C10orf53: variants seen among roughly 807,000 people sequenced by gnomAD.
C10orf53 encodes UPF0728 protein C10orf53.
C10orf53 carries 8 observed loss-of-function variants against 9.4 expected under a neutral mutation model. The ratio of observed to expected loss-of-function variants is 0.85; its 90% confidence interval spans 0.50 to 1.53. The LOEUF is 1.53. C10orf53 is among the 40% of genes most tolerant of loss of function. C10orf53 has a pLI of 0.00. For synonymous variants in C10orf53, 48 were observed against 46.0 expected, an observed-to-expected ratio of 1.04 and a Z score of -0.18; for missense variants, 117 against 117.8, an observed-to-expected ratio of 0.99 and a Z score of 0.03.
rs1324817325 is a variant in C10orf53 at position 49,697,203 on chromosome 10, A to G, written c.*2601A>G. Among the ~76,000 whole-genome samples the G allele has an allele frequency of 1.3e-5, 2 of 152,050 alleles. No individual in the cohort carries two copies. Among genetic ancestry groups the G allele is most frequent in the Non-Finnish European group, 2.9e-5 (2 of 68,034 alleles). The stretch of plus-strand genomic sequence containing the variant: ...GTGAGACCCTGTCTCAGAAAATAAA[A>G]TAAAGATTTTGACATAGAAGCCACC... On this transcript the variant is annotated 3_prime_UTR_variant, in exon 3 of 3. Transcript: ENST00000374111.
intron 1 of C10orf53, among the ~76,000 whole-genome samples, chr10:49,691,734 G>T (rs1331667785): frequency 6.6e-6 from 1 of 152,210 alleles, no homozygotes; most frequent in Admixed American, 6.5e-5. Flanking sequence ...GCCACGTGAG[G>T]CTCAGTCAGC....
At chr10:49,691,498 G>A (rs969823589) in intron 1 of C10orf53, among the ~76,000 whole-genome samples, 14 of 152,248 alleles carry the variant, frequency 9.2e-5, no homozygotes, top group African/African-American at 3.1e-4. Context: ...CCCTTTAAGA[G>A]CACGAGAGCC....
At chr10:49,686,802 G>T (rs1053608316) in intron 1 of C10orf53, among the ~76,000 whole-genome samples, 2 of 152,192 alleles carry the variant, frequency 1.3e-5, no homozygotes, top group African/African-American at 4.8e-5. Context: ...TGAGTGCACA[G>T]CGGGACATAG....
At chr10:49,682,154 A>G (rs923269027) in intron 1 of C10orf53, among the ~76,000 whole-genome samples, 15 of 152,238 alleles carry the variant, frequency 9.9e-5, no homozygotes, top group African/African-American at 3.6e-4. Flanking sequence ...ATTCAGTGAC[A>G]TTAATTATCT....
chr10:49,693,427 T>C (rs1210968404), intron 1 of C10orf53, among the ~76,000 whole-genome samples: 2 of 152,182 alleles, frequency 1.3e-5, no homozygotes, highest in African/African-American at 4.8e-5. Context: ...GAGTAAGAAG[T>C]TGCCTATTCC....
rs1329289902 is a variant in C10orf53 at position 49,696,449 on chromosome 10, AT to A, written c.*1849del. On this transcript the variant is annotated 3_prime_UTR_variant, in exon 3 of 3. Coordinates refer to ENST00000374111, the MANE Select transcript of C10orf53 (RefSeq NM_001042427.3). ...TCTCCTCTAGCCCTGCAACCCCGGCATTAAACTGGTAACAAGTGCTTCCCTC... is the reference window on the plus strand; with the variant it reads ...TCTCCTCTAGCCCTGCAACCCCGGCATAAACTGGTAACAAGTGCTTCCCTC... Among the ~76,000 whole-genome samples the A allele has an allele frequency of 6.6e-6, 1 of 152,204 alleles. No individual in the cohort carries two copies. Among genetic ancestry groups the A allele is most frequent in the East Asian group, 1.9e-4 (1 of 5,194 alleles).
intron 2 of C10orf53, among the ~76,000 whole-genome samples, chr10:49,703,165 G>A (rs1840696953): frequency 1.3e-5 from 2 of 151,964 alleles, no homozygotes; most frequent in African/African-American, 2.4e-5. Flanking sequence ...TCTTCCCTTG[G>A]CTGTGGTTTC....
At chr10:49,705,690 C>A (rs1192118856) in intron 2 of C10orf53, among the ~76,000 whole-genome samples, 1 of 151,956 alleles carries the variant, frequency 6.6e-6, no homozygotes. Flanking sequence ...AAAAAACCTA[C>A]AGTTAAATCT....
intron 1 of C10orf53, among the ~76,000 whole-genome samples, chr10:49,680,488 C>T (rs550704040): frequency 6.6e-6 from 1 of 152,164 alleles, no homozygotes. Flanking sequence ...GGCAGAGGGA[C>T]TAATAATATA....
chr10:49,683,780 C>A (rs1407018928), intron 1 of C10orf53, among the ~76,000 whole-genome samples: 3 of 152,126 alleles, frequency 2.0e-5, no homozygotes, highest in Non-Finnish European at 4.4e-5. Flanking sequence ...CCTGTAGTCC[C>A]AGCTACTCAG....
At chr10:49,680,875 CAA>C (rs759639428) in intron 1 of C10orf53, among the ~76,000 whole-genome samples, 3 of 152,148 alleles carry the variant, frequency 2.0e-5, no homozygotes, top group Non-Finnish European at 4.4e-5. Flanking sequence ...CCACTAAAAT[CAA>C]AGACACCAAA....
downstream of C10orf53, among the ~76,000 whole-genome samples, chr10:49,698,725 A>G (rs1391954617): frequency 6.6e-6 from 1 of 152,170 alleles, no homozygotes; most frequent in Non-Finnish European, 1.5e-5. Flanking sequence ...GGAGCTTCCT[A>G]TGAGACAGTG....
chr10:49,693,685 C>A (rs112441200), intron 1 of C10orf53, 89 bp from the exon 2 acceptor site: 1 of 1,449,936 alleles, frequency 6.9e-7, no homozygotes, highest in Non-Finnish European at 9.4e-7. Context: ...AGATGGCAGA[C>A]AAGCTACTGT....
chr10:49,681,910 G>T (rs542357633), intron 1 of C10orf53, among the ~76,000 whole-genome samples: 2 of 152,226 alleles, frequency 1.3e-5, no homozygotes, highest in East Asian at 1.9e-4. Context: ...TTGGGGGAAG[G>T]GGGGCAACAA....
intron 1 of C10orf53, among the ~76,000 whole-genome samples, chr10:49,683,448 C>G (rs1453557218): frequency 2.0e-5 from 3 of 152,138 alleles, no homozygotes; most frequent in African/African-American, 7.2e-5. Flanking sequence ...AAATGATTTG[C>G]AAATATTTTC....
rs1295323188 is a variant in C10orf53, at chr10:49,696,736, G to A, written c.*2134G>A. 6.6e-6 allele frequency among the ~76,000 whole-genome samples: 1 copy of A among 152,098 alleles called. No individual in the cohort carries two copies. Among genetic ancestry groups the A allele is most frequent in the Non-Finnish European group, 1.5e-5 (1 of 68,030 alleles). On this transcript the variant is annotated 3_prime_UTR_variant, in exon 3 of 3. Transcript: ENST00000374111. ...CAGCATTGCTGGGAAAAATCACCGA[G>A]GTTTCCTCTGAGCAGTGGGATTGGG...
intron 1 of C10orf53, among the ~76,000 whole-genome samples, chr10:49,685,310 A>T (rs977434217): frequency 2.0e-5 from 3 of 152,202 alleles, no homozygotes; most frequent in Non-Finnish European, 2.9e-5. Context: ...TCAACACTTT[A>T]TTGTAAAATA....
At chr10:49,694,344 TG>T in intron 2 of C10orf53, 193 bp from the exon 3 acceptor site, 1 of 734,880 alleles carries the variant, frequency 1.4e-6, no homozygotes, top group Non-Finnish European at 2.2e-6. Flanking sequence ...CCTGGCAGGC[TG>T]GCACTGTGCG....
At chr10:49,690,641 T>G (rs542343731) in intron 1 of C10orf53, among the ~76,000 whole-genome samples, 22 of 152,312 alleles carry the variant, frequency 1.4e-4, no homozygotes, top group African/African-American at 5.1e-4. Flanking sequence ...AACAAAAAGT[T>G]CTAAGTAATT....
Sources: allele counts gnomAD v4.1 joint callset (sites outside exome capture counted in the v4.1 genomes callset), GRCh38; gene constraint gnomAD v4.1.1; transcripts MANE v1.5; gene names NCBI Gene and HGNC (gene_info 2026-07-23, HGNC 2026-07-21).